GLRB: variants seen among roughly 807,000 people sequenced by gnomAD.
GLRB encodes the protein glycine receptor subunit beta.
In GLRB, 33 loss-of-function variants were observed where a neutral mutation model predicts 54.2. The ratio of observed to expected loss-of-function variants is 0.61; its 90% CI spans 0.46 to 0.81. GLRB has a LOEUF of 0.81. GLRB is among the 40% of genes least tolerant of loss of function. GLRB has a pLI of 0.00. For synonymous variants in GLRB, 209 were observed against 208.2 expected (o/e 1.00, Z -0.03); for missense variants, 572 against 584.6 (o/e 0.98, Z 0.22).
chr4:157,122,473 C>T, intron 4 of GLRB, 76 bp downstream of exon 4: 2 of 590,712 alleles, frequency 3.4e-6, no homozygotes, highest in Non-Finnish European at 6.3e-6. Context: ...TAAAATTGAA[C>T]AATAAGGAGC....
chr4:157,152,096 A>G (rs968073369), intron 8 of GLRB, among the ~76,000 whole-genome samples: 1 of 152,204 alleles, frequency 6.6e-6, no homozygotes, highest in African/African-American at 2.4e-5. Flanking sequence ...CAATTACTTG[A>G]CTTAAATTAG....
chr4:157,102,079 A>AT (rs564159310), intron 2 of GLRB, among the ~76,000 whole-genome samples: 112 of 152,178 alleles, frequency 7.4e-4, no homozygotes, highest in African/African-American at 2.4e-3. Context: ...TTTTTAATGG[A>AT]TTTTTTTCTG....
chr4:157,119,920 AGAC>A (rs1735743424), intron 2 of GLRB, among the ~76,000 whole-genome samples: 1 of 151,844 alleles, frequency 6.6e-6, no homozygotes, highest in African/African-American at 2.4e-5. Flanking sequence ...GCTGCTATAA[AGAC>A]ACATGCACAC....
intron 9 of GLRB, among the ~76,000 whole-genome samples, 183 bp from the exon 10 acceptor site, chr4:157,170,249 T>G (rs1425257279): frequency 1.3e-5 from 2 of 152,080 alleles, no homozygotes. Flanking sequence ...TAGGCAATAT[T>G]TTAGAGCCCT....
intron 2 of GLRB, among the ~76,000 whole-genome samples, chr4:157,119,542 A>G (rs1375443083): frequency 6.6e-6 from 1 of 151,690 alleles, no homozygotes; most frequent in Non-Finnish European, 1.5e-5. Flanking sequence ...TACTTTATAG[A>G]AAGTAACATG....
chr4:157,162,109 C>T (rs1441760165), intron 9 of GLRB, among the ~76,000 whole-genome samples: 1 of 152,194 alleles, frequency 6.6e-6, no homozygotes, highest in African/African-American at 2.4e-5. Context: ...ACCCTTTCTT[C>T]CAGTTGATCA....
At chr4:157,138,302 C>T (rs1290446199) in intron 6 of GLRB, among the ~76,000 whole-genome samples, 3 of 152,132 alleles carry the variant, frequency 2.0e-5, no homozygotes, top group East Asian at 1.9e-4. Flanking sequence ...TCTCGAACTC[C>T]TGACCTCGTG....
In GLRB at chr4:157,143,728, C is replaced by T. The variant is rs576986043; in HGVS notation, c.752-79C>T. On this transcript the variant is annotated intron_variant, in intron 7 of 9. Transcript: ENST00000264428. ...ATTGCCTCAGATGGAAGTGACTTAC[C>T]GTTTCCAGGTCTGTCATTGATGTTT... The T allele has an allele frequency of 2.3e-5, 33 of 1,408,584 alleles. No homozygotes were observed. In the Admixed American group the frequency reaches 3.6e-4, roughly 15 times the overall value. 87.3% of individuals were successfully genotyped at this position (1,408,584 alleles called of 1,614,324 possible).
At chr4:157,086,431 T>A (rs962822547) in intron 2 of GLRB, among the ~76,000 whole-genome samples, 1 of 152,220 alleles carries the variant, frequency 6.6e-6, no homozygotes, top group Non-Finnish European at 1.5e-5. Context: ...ATGGTGAGTA[T>A]ATTACCTGAA....
At chr4:157,140,966 A>T (rs972501626) in intron 7 of GLRB, among the ~76,000 whole-genome samples, 1 of 151,704 alleles carries the variant, frequency 6.6e-6, no homozygotes, top group Non-Finnish European at 1.5e-5. Flanking sequence ...GCTCTACATT[A>T]AAAAAAATCT....
At chr4:157,125,769 C>A (rs1735994723) in intron 4 of GLRB, among the ~76,000 whole-genome samples, 1 of 151,662 alleles carries the variant, frequency 6.6e-6, no homozygotes, top group Non-Finnish European at 1.5e-5. Flanking sequence ...CCCGTCTGTA[C>A]TAAAAATACA....
rs757376981 is a variant in GLRB, at chr4:157,120,553, T to C, written c.123-3T>C. The C allele has an allele frequency of 3.4e-5, 51 of 1,516,372 alleles. No individual in the cohort carries two copies. In the East Asian group the frequency reaches 3.9e-4, roughly 11 times the overall value. 93.9% of individuals were successfully genotyped at this position (1,516,372 alleles called of 1,614,324 possible). On this transcript the variant is annotated splice_polypyrimidine_tract_variant and splice_region_variant and intron_variant, in intron 2 of 9. Transcript: ENST00000264428. ...CTTATCAGGATTTTTCTCTCTCTTA[T>C]AGTCAGCAGTCAGCAGAGGACCTTG... is the stretch of plus-strand genomic sequence containing the variant.
intron 2 of GLRB, among the ~76,000 whole-genome samples, chr4:157,099,637 G>A (rs1178206636): frequency 6.6e-6 from 1 of 152,080 alleles, no homozygotes; most frequent in Non-Finnish European, 1.5e-5. Flanking sequence ...TGCCCAGCCT[G>A]TTATGAACAT....
At chr4:157,080,435 G>C (rs138026689) in intron 2 of GLRB, among the ~76,000 whole-genome samples, 1 of 152,292 alleles carries the variant, frequency 6.6e-6, no homozygotes, top group African/African-American at 2.4e-5. Context: ...ACCTTGGAGA[G>C]TTAGAGTTGT....
chr4:157,136,278 T>C lies in GLRB; in HGVS notation c.298-191T>C, dbSNP rs572785330. On this transcript the variant is annotated intron_variant, in intron 4 of 9. Transcript: ENST00000264428. The stretch of plus-strand genomic sequence containing the variant: ...GGAATGTCTGCAGAGAGTAATTACA[T>C]AGAGACAAGTGTCTTTATACTGCTA... 15 of 584,114 alleles carry C rather than the reference T, an allele frequency of 2.6e-5. No individual in the cohort carries two copies. In the East Asian group the frequency reaches 4.0e-4, roughly 15 times the overall value. The allele number at this position is 584,114 out of a possible 1,614,324, so 36.2% of individuals were successfully genotyped here.
intron 2 of GLRB, among the ~76,000 whole-genome samples, chr4:157,103,493 A>G (rs1257958370): frequency 6.6e-6 from 1 of 152,168 alleles, no homozygotes; most frequent in Non-Finnish European, 1.5e-5. Context: ...TAACTCTTGC[A>G]TTGTTCTTTC....
At chr4:157,092,368 A>C in intron 2 of GLRB, among the ~76,000 whole-genome samples, 1 of 152,280 alleles carries the variant, frequency 6.6e-6, no homozygotes, top group African/African-American at 2.4e-5. Context: ...TGATAGTATA[A>C]TTTGGAATTA....
At chr4:157,103,259 G>T (rs1735104934) in intron 2 of GLRB, among the ~76,000 whole-genome samples, 1 of 152,050 alleles carries the variant, frequency 6.6e-6, no homozygotes, top group Admixed American at 6.6e-5. Context: ...CATGGCCAGT[G>T]GTCTTCTTAT....
At chr4:157,103,607 A>G (rs1735116368) in intron 2 of GLRB, among the ~76,000 whole-genome samples, 2 of 152,072 alleles carry the variant, frequency 1.3e-5, no homozygotes, top group Non-Finnish European at 2.9e-5. Context: ...TTTGATAGAG[A>G]TTGAATTGAT....
Sources: gnomAD v4.1 joint callset for allele counts (sites outside exome capture counted in the v4.1 genomes callset) on GRCh38, gnomAD v4.1.1 for gene constraint, MANE v1.5 for transcripts, NCBI Gene and HGNC (gene_info 2026-07-23, HGNC 2026-07-21) for gene names.